Variants in ZNF549 observed in about 807,000 individuals in gnomAD.
The protein encoded by ZNF549 is zinc finger protein 549.
ZNF549 carries 11 observed loss-of-function variants against 11.1 expected under a neutral mutation model. The observed-to-expected ratio is 0.99, with a 90% CI of 0.62 to 1.64. The LOEUF (loss-of-function observed/expected upper bound fraction) is 1.64. Among genes scored for constraint, ZNF549 ranks in the 40% most tolerant of loss-of-function variants. The probability of loss-of-function intolerance (pLI) is 0.00; values close to 1 mark genes in which losing one functional copy is unlikely to be tolerated. For synonymous variants in ZNF549, 266 were observed against 269.1 expected (o/e 0.99, Z 0.11); for missense variants, 748 against 765.1 (o/e 0.98, Z 0.26).
chr19:57,535,125 A>G lies in ZNF549; in HGVS notation c.73-19A>G. ...GGGGATTGAGTCTGCTCATGATTTC[A>G]TCTGCCCCCATCATGCAGGGCCATG... On this transcript the variant is annotated intron_variant, in intron 2 of 3. Coordinates refer to ENST00000376233, the MANE Select transcript of ZNF549 (RefSeq NM_001199295.2). The G allele has an allele frequency of 6.2e-7, 1 of 1,612,466 alleles. No individual in the cohort carries two copies. The highest frequency in any genetic ancestry group is 8.5e-7 in the Non-Finnish European group (1 of 1,178,956).
chr19:57,529,094 A>G (rs1335919813), intron 1 of ZNF549, among the ~76,000 whole-genome samples: 1 of 152,220 alleles, frequency 6.6e-6, no homozygotes, highest in Non-Finnish European at 1.5e-5. Flanking sequence ...CTAAGTTTAT[A>G]AATGTTTAAA....
Position 57,531,062 on chromosome 19 carries a change from TC to T in ZNF549, c.34-6del, listed in dbSNP as rs754686355. Reference sequence around the variant, plus strand: ...CACCTGTATTTCATAGCCTCCCTCTTCCTACAGATTCCCATGGTAACAGAAG... The same window carrying T: ...CACCTGTATTTCATAGCCTCCCTCTTCTACAGATTCCCATGGTAACAGAAG... On this transcript the variant is annotated splice_polypyrimidine_tract_variant and splice_region_variant and intron_variant, in intron 1 of 3. Transcript: ENST00000376233. The T allele has an allele frequency of 6.3e-7, 1 of 1,598,302 alleles. No homozygotes were observed. Among genetic ancestry groups the T allele is most frequent in the African/African-American group, 1.3e-5 (1 of 75,014 alleles).
At chr19:57,531,180 G>T in intron 2 of ZNF549, 72 bp downstream of exon 2, 1 of 1,514,268 alleles carries the variant, frequency 6.6e-7, no homozygotes, top group Non-Finnish European at 9.0e-7. Flanking sequence ...ACAGATGCAG[G>T]TAACAATAAT....
At position 57,537,128 on chromosome 19, in the gene ZNF549, C is replaced by T. The variant is rs1316949606; in HGVS notation, c.200-76C>T. The T allele has an allele frequency of 2.0e-6, 3 of 1,487,860 alleles. No individual in the cohort carries two copies. The Admixed American group carries it at 6.2e-5, about 31-fold the overall frequency. The allele number at this position is 1,487,860 out of a possible 1,614,324, so 92.2% of individuals were successfully genotyped here. A position where few individuals can be genotyped will look rare whatever the true frequency, so the allele number is the denominator to read the frequency against. The stretch of plus-strand genomic sequence containing the variant: ...CCATGGACTCGTCCCTCCCTGTGTT[C>T]CACAGGTATTTGTAATGGAGCTGTT... On this transcript the variant is annotated intron_variant, in intron 3 of 3. Transcript: ENST00000376233.
chr19:57,538,273 GA>G lies in ZNF549; in HGVS notation c.1271del (p.Lys424ArgfsTer213). 6.2e-7 allele frequency: 1 copy of G among 1,612,368 alleles called. No homozygotes were observed. Among genetic ancestry groups the G allele is most frequent in the Non-Finnish European group, 8.5e-7 (1 of 1,179,616 alleles). On this transcript the variant is annotated frameshift_variant, in exon 4 of 4. Transcript: ENST00000376233. LOFTEE classifies it low-confidence loss of function (END_TRUNC). ...GGCCTTATGAGTGCAAAGAATGTGG[GA>G]AGGCCTTCATTCACAAAAAAAGACT... ...ERPYECKECG[K>X]AFIHKKRLLE...
rs1349805081 is a variant in ZNF549, at chr19:57,538,014, G to A, written c.1010G>A (p.Cys337Tyr). 1 of 1,614,182 alleles carries A rather than the reference G, an allele frequency of 6.2e-7. No individual in the cohort carries two copies. Among genetic ancestry groups the A allele is most frequent in the South Asian group, 1.1e-5 (1 of 91,084 alleles). ...GAAAAGCCTTATGTGTGCAATGTAT[G>A]TGGGAAATCATTCCGCCACAAACAA... Reference protein sequence around the residue: ...NGEKPYVCNVCGKSFRHKQTF... With the variant: ...NGEKPYVCNVYGKSFRHKQTF... The change falls in exon 4 of 4, where the codon TGT becomes TAT. Residue 337 changes from cysteine (C) to tyrosine (Y), a missense_variant. By Grantham distance (194) the Cys-to-Tyr change is radical. Transcript: ENST00000376233.
chr19:57,539,652 T>A lies in ZNF549; in HGVS notation c.*725T>A, dbSNP rs2089946437. 6.6e-6 allele frequency: 1 copy of A among 152,186 alleles called. No homozygotes were observed. Among genetic ancestry groups the A allele is most frequent in the African/African-American group, 2.4e-5 (1 of 41,432 alleles). The allele number at this position is 152,186 out of a possible 1,614,324, so 9.4% of individuals were successfully genotyped here. On this transcript the variant is annotated 3_prime_UTR_variant, in exon 4 of 4. Coordinates refer to ENST00000376233, the MANE Select transcript of ZNF549 (RefSeq NM_001199295.2). ...CCAGAGGTCTCCCTGAGAAGAGGCATTTGTGACAAACTCAAGTGCTGGGAC... is the reference window on the plus strand; with the variant it reads ...CCAGAGGTCTCCCTGAGAAGAGGCAATTGTGACAAACTCAAGTGCTGGGAC...
chr19:57,534,690 T>A (rs1251758567), intron 2 of ZNF549, among the ~76,000 whole-genome samples: 1 of 152,114 alleles, frequency 6.6e-6, no homozygotes, highest in Admixed American at 6.5e-5. Context: ...TGCCTCTGAC[T>A]TGGGTCTAAC....
intron 1 of ZNF549, among the ~76,000 whole-genome samples, chr19:57,527,845 T>A (rs558952722): frequency 6.6e-6 from 1 of 152,210 alleles, no homozygotes; most frequent in East Asian, 1.9e-4. Context: ...GGGGCGGACC[T>A]GTGTCTGCAG....
At position 57,527,443 on chromosome 19, in the gene ZNF549, A is replaced by C. The variant is rs2089882189; in HGVS notation, c.-131A>C. 2 of 1,278,222 alleles carry C rather than the reference A, an allele frequency of 1.6e-6. No individual in the cohort carries two copies. The highest frequency in any genetic ancestry group is 3.9e-5 in the Admixed American group (2 of 50,856). The allele number at this position is 1,278,222 out of a possible 1,614,324, so 79.2% of individuals were successfully genotyped here. ...GGTAACTGGAGCCGGAAACCGGTGGAGGTGGTGTCCGCCCGCAGAGGAGCT... is the reference window on the plus strand; with the variant it reads ...GGTAACTGGAGCCGGAAACCGGTGGCGGTGGTGTCCGCCCGCAGAGGAGCT... On this transcript the variant is annotated 5_prime_UTR_variant, in exon 1 of 4. Transcript: ENST00000376233.
chr19:57,527,364 T>G lies in ZNF549; in HGVS notation c.-210T>G. The G allele has an allele frequency of 1.5e-6, 1 of 662,630 alleles. No homozygotes were observed. Among genetic ancestry groups the G allele is most frequent in the South Asian group, 1.8e-5 (1 of 56,840 alleles). The allele number at this position is 662,630 out of a possible 1,614,324, so 41.0% of individuals were successfully genotyped here. A position where few individuals can be genotyped will look rare whatever the true frequency, so the allele number is the denominator to read the frequency against. On this transcript the variant is annotated 5_prime_UTR_variant, in exon 1 of 4. Coordinates refer to ENST00000376233, the MANE Select transcript of ZNF549 (RefSeq NM_001199295.2). ...TCTTTCCGGTGGTGGTCGTTTTTGCTGCCTGCGAGCGCGTCCGCGGGCTGG... is the reference window on the plus strand; with the variant it reads ...TCTTTCCGGTGGTGGTCGTTTTTGCGGCCTGCGAGCGCGTCCGCGGGCTGG...
At chr19:57,528,615 G>A (rs557427690) in intron 1 of ZNF549, among the ~76,000 whole-genome samples, 1 of 152,302 alleles carries the variant, frequency 6.6e-6, no homozygotes, top group Admixed American at 6.5e-5. Flanking sequence ...AAGGGAATGT[G>A]TAAGGAATAC....
At chr19:57,527,697 C>A in intron 1 of ZNF549, 91 bp downstream of exon 1, 1 of 1,499,878 alleles carries the variant, frequency 6.7e-7, no homozygotes, top group East Asian at 2.5e-5. Flanking sequence ...GCCTCTTCTC[C>A]AGGACAGCGA....
chr19:57,531,978 A>G (rs910472056), intron 2 of ZNF549, among the ~76,000 whole-genome samples: 1 of 152,250 alleles, frequency 6.6e-6, no homozygotes, highest in African/African-American at 2.4e-5. Context: ...AGTGCTATAC[A>G]TTTTATTCTA....
chr19:57,538,243 A>C lies in ZNF549; in HGVS notation c.1239A>C (p.Gly413=), dbSNP rs1394774493. 5 of 1,614,166 alleles carry C rather than the reference A, an allele frequency of 3.1e-6. No homozygotes were observed. In the Admixed American group the frequency reaches 8.3e-5, roughly 27 times the overall value. The part of the protein sequence containing the change: ...SLLDHHRIHT[G]ERPYECKECG... ...TTGATCACCATAGAATCCACACGGG[A>C]GAAAGGCCTTATGAGTGCAAAGAAT... is the stretch of plus-strand genomic sequence containing the variant. Residue 413 remains glycine (G), a synonymous_variant, in exon 4 of 4, where the codon GGA becomes GGC. Transcript: ENST00000376233.
intron 1 of ZNF549, among the ~76,000 whole-genome samples, chr19:57,530,272 A>G (rs2089898534): frequency 2.0e-5 from 3 of 152,146 alleles, no homozygotes; most frequent in Non-Finnish European, 4.4e-5. Context: ...ATCTTGAACA[A>G]TGAGTTCTAG....
chr19:57,537,330 G>T lies in ZNF549; in HGVS notation c.326G>T (p.Cys109Phe), dbSNP rs1305479949. ...SIPNAHSCEM[C>F]ILVMKDILYL... ...CCAAATGCTCATTCTTGTGAGATGT[G>T]TATCCTGGTCATGAAAGACATTTTG... is the stretch of plus-strand genomic sequence containing the variant. Residue 109 changes from cysteine (C) to phenylalanine (F), a missense_variant, in exon 4 of 4, where the codon TGT becomes TTT. Physicochemically the swap from Cys to Phe is radical, Grantham distance 205. Transcript: ENST00000376233. 6.2e-7 allele frequency: 1 copy of T among 1,614,218 alleles called. No individual in the cohort carries two copies. Among genetic ancestry groups the T allele is most frequent in the Non-Finnish European group, 8.5e-7 (1 of 1,180,046 alleles).
At chr19:57,530,526 G>A (rs2089899731) in intron 1 of ZNF549, among the ~76,000 whole-genome samples, 1 of 152,140 alleles carries the variant, frequency 6.6e-6, no homozygotes, top group Non-Finnish European at 1.5e-5. Context: ...CAAATGTGTA[G>A]CCAAGTGGAG....
Position 57,537,636 on chromosome 19 carries a change from A to G in ZNF549, c.632A>G (p.His211Arg). 6.2e-7 allele frequency: 1 copy of G among 1,614,248 alleles called. No individual in the cohort carries two copies. The highest frequency in any genetic ancestry group is 8.5e-7 in the Non-Finnish European group (1 of 1,180,044). The part of the protein sequence containing the change: ...QTTHSRQEYA[H>R]RSRETFQQRR... ...ACCCACAGCAGACAAGAGTATGCAC[A>G]TAGAAGCAGGGAGACCTTTCAACAA... is the stretch of plus-strand genomic sequence containing the variant. Residue 211 changes from histidine (H) to arginine (R), a missense_variant, in exon 4 of 4, where the codon CAT becomes CGT. Physicochemically the swap from His to Arg is conservative, Grantham distance 29. Transcript: ENST00000376233.
Sources: gnomAD v4.1 joint callset for allele counts (sites outside exome capture counted in the v4.1 genomes callset) on GRCh38, gnomAD v4.1.1 for gene constraint, MANE v1.5 for transcripts, NCBI Gene and HGNC (gene_info 2026-07-23, HGNC 2026-07-21) for gene names.